The following FIBCD1 variants were observed in gnomAD, a reference collection of about 807,000 sequenced individuals.
FIBCD1 encodes the protein fibrinogen C domain-containing protein 1.
In FIBCD1, 47 loss-of-function variants were observed where a neutral mutation model predicts 45.1. The observed-to-expected ratio is 1.04, with a 90% CI of 0.82 to 1.33. FIBCD1 has a LOEUF of 1.33. FIBCD1 is among the 40% of genes most tolerant of loss of function. FIBCD1 has a pLI of 0.00. For synonymous variants in FIBCD1, 313 were observed against 308.1 expected (o/e 1.02, Z -0.17); for missense variants, 653 against 682.2 (o/e 0.96, Z 0.48).
At chr9:130,924,175 T>C in intron 3 of FIBCD1, 62 bp downstream of exon 3, 1 of 1,480,554 alleles carries the variant, frequency 6.8e-7, no homozygotes, top group Non-Finnish European at 8.9e-7. Context: ...TCACCCCAAC[T>C]TCCCCGCTCC....
intron 2 of FIBCD1, among the ~76,000 whole-genome samples, chr9:130,929,028 G>A (rs977624204): frequency 2.0e-5 from 3 of 152,136 alleles, no homozygotes; most frequent in Admixed American, 6.5e-5. Flanking sequence ...GGGGAGGGTG[G>A]AGGTGGTTTG....
chr9:130,911,635 C>T (rs1459256106), intron 5 of FIBCD1, among the ~76,000 whole-genome samples, 157 bp downstream of exon 5: 3 of 152,224 alleles, frequency 2.0e-5, no homozygotes, highest in Non-Finnish European at 2.9e-5. Flanking sequence ...TTCTGAATGC[C>T]TGTCACCTTC....
chr9:130,905,895 G>A lies in FIBCD1; in HGVS notation c.947-482C>T, dbSNP rs78012858. Among the ~76,000 whole-genome samples the A allele has an allele frequency of 8.8e-3, 1,345 of 152,266 alleles. 11 individuals are homozygous for A. Among genetic ancestry groups the A allele is most frequent in the African/African-American group, 0.031 (1,284 of 41,544 alleles). On this transcript the variant is annotated intron_variant, in intron 5 of 6. Coordinates refer to ENST00000372338, the MANE Select transcript of FIBCD1 (RefSeq NM_032843.5). ...CTGGAAGGCTGCCTGACCTCCTGTC[G>A]GCGTTGAGGACCTCCTCTGCCAACA...
chr9:130,920,872 C>T lies in FIBCD1; in HGVS notation c.849+2872G>A, dbSNP rs1187363638. Among the ~76,000 whole-genome samples the T allele has an allele frequency of 2.0e-5, 3 of 152,344 alleles. No individual in the cohort carries two copies. The East Asian group carries it at 5.8e-4, about 29-fold the overall frequency. On this transcript the variant is annotated intron_variant, in intron 4 of 6. Coordinates refer to ENST00000372338, the MANE Select transcript of FIBCD1 (RefSeq NM_032843.5). ...CCTTCTGTCCACCAGGCTGGGAGCC[C>T]GCTGAGCTGTCTCGTCGCTGCTGAC...
intron 2 of FIBCD1, among the ~76,000 whole-genome samples, chr9:130,924,979 C>T (rs1249975468): frequency 2.0e-5 from 3 of 152,148 alleles, no homozygotes; most frequent in Non-Finnish European, 4.4e-5. Flanking sequence ...ACATCCCCAC[C>T]GCTGCCTCTT....
chr9:130,917,060 T>G (rs1023506352), intron 4 of FIBCD1, among the ~76,000 whole-genome samples: 1 of 152,188 alleles, frequency 6.6e-6, no homozygotes, highest in Non-Finnish European at 1.5e-5. Context: ...ATCACACCAC[T>G]GCACTCCAGC....
intron 5 of FIBCD1, among the ~76,000 whole-genome samples, chr9:130,905,928 C>T (rs1386771215): frequency 6.6e-6 from 1 of 152,160 alleles, no homozygotes; most frequent in Non-Finnish European, 1.5e-5. Context: ...ACACATGTGC[C>T]CCTGTGGGTA....
rs189533808 is a variant in FIBCD1 at position 130,917,439 on chromosome 9, C to T, written c.850-5551G>A. Reference sequence around the variant, plus strand: ...TGGGCGGGTTCAAAGGAAGGAGTGACGGCTCTGGACATGGAGGAAGGAGTG... The same window carrying T: ...TGGGCGGGTTCAAAGGAAGGAGTGATGGCTCTGGACATGGAGGAAGGAGTG... On this transcript the variant is annotated intron_variant, in intron 4 of 6. Coordinates refer to ENST00000372338, the MANE Select transcript of FIBCD1 (RefSeq NM_032843.5). Among the ~76,000 whole-genome samples, 29 of 151,372 alleles carry T rather than the reference C, an allele frequency of 1.9e-4. No homozygotes were observed. The East Asian group carries it at 5.3e-3, about 27-fold the overall frequency.
At position 130,903,942 on chromosome 9, in the gene FIBCD1, C is replaced by G; in HGVS notation, c.*122G>C. The G allele has an allele frequency of 7.5e-7, 1 of 1,341,090 alleles. No individual in the cohort carries two copies. The highest frequency in any genetic ancestry group is 1.0e-6 in the Non-Finnish European group (1 of 956,748). The allele number at this position is 1,341,090 out of a possible 1,614,324, so 83.1% of individuals were successfully genotyped here. A position where few individuals can be genotyped will look rare whatever the true frequency, so the allele number is the denominator to read the frequency against. On this transcript the variant is annotated 3_prime_UTR_variant, in exon 7 of 7. Transcript: ENST00000372338. ...AGCTTCGTGTCAGGGATGGCCCGGCCCCTCCCTACTGGAGAGTGGGTCCGC... is the reference window on the plus strand; with the variant it reads ...AGCTTCGTGTCAGGGATGGCCCGGCGCCTCCCTACTGGAGAGTGGGTCCGC...
At position 130,938,929 on chromosome 9, in the gene FIBCD1, A is replaced by C; in HGVS notation, c.-322T>G. 1 of 150,578 alleles carries C rather than the reference A, an allele frequency of 6.6e-6. No homozygotes were observed. The highest frequency in any genetic ancestry group is 1.5e-5 in the Non-Finnish European group (1 of 67,644). 9.3% of individuals were successfully genotyped at this position (150,578 alleles called of 1,614,324 possible). A position where few individuals can be genotyped will look rare whatever the true frequency, so the allele number is the denominator to read the frequency against. The stretch of plus-strand genomic sequence containing the variant: ...CCTCGTCCCTCCTCCCTCCTTCTCA[A>C]TCTCCGCATCTTTTCTGGTCTCGGA... On this transcript the variant is annotated 5_prime_UTR_variant, in exon 1 of 7. Transcript: ENST00000372338.
At chr9:130,921,069 G>C (rs1053591687) in intron 4 of FIBCD1, among the ~76,000 whole-genome samples, 5 of 152,214 alleles carry the variant, frequency 3.3e-5, no homozygotes, top group South Asian at 2.1e-4. Flanking sequence ...TGCCGGGGGT[G>C]GGGGGCAGGG....
intron 5 of FIBCD1, among the ~76,000 whole-genome samples, chr9:130,909,626 T>C (rs1048350253): frequency 6.6e-6 from 1 of 152,174 alleles, no homozygotes; most frequent in Non-Finnish European, 1.5e-5. Context: ...TTTCAAGCCA[T>C]AGCCACTTCC....
At chr9:130,917,584 C>T (rs1289867071) in intron 4 of FIBCD1, among the ~76,000 whole-genome samples, 2 of 152,212 alleles carry the variant, frequency 1.3e-5, no homozygotes, top group South Asian at 2.1e-4. Context: ...CCTTACACTC[C>T]GCAGGTTGCA....
chr9:130,919,338 C>T (rs1221198411), intron 4 of FIBCD1, among the ~76,000 whole-genome samples: 2 of 152,210 alleles, frequency 1.3e-5, no homozygotes, highest in Admixed American at 6.5e-5. Flanking sequence ...CAGGCAGTAG[C>T]GTGGGGACAC....
rs142335702 is a variant in FIBCD1, at chr9:130,926,051, G to A, written c.553-1655C>T. On this transcript the variant is annotated intron_variant, in intron 2 of 6. Coordinates refer to ENST00000372338, the MANE Select transcript of FIBCD1 (RefSeq NM_032843.5). This position sits in a 1 kb window ranked among gnomAD's most constrained non-coding sequence, Gnocchi z 4.1. ...CAGAGATGGGCAGGCAGGGCGTTTG[G>A]GTTTCACGGCAGCATCCTGTAGACG... 2.6e-5 allele frequency among the ~76,000 whole-genome samples: 4 copies of A among 152,280 alleles called. No individual in the cohort carries two copies. The highest frequency in any genetic ancestry group is 6.5e-5 in the Admixed American group (1 of 15,298).
At chr9:130,920,262 G>A (rs1204747236) in intron 4 of FIBCD1, among the ~76,000 whole-genome samples, 1 of 151,984 alleles carries the variant, frequency 6.6e-6, no homozygotes, top group East Asian at 1.9e-4. Context: ...TTACCACTCC[G>A]CCTCCCCTTG....
At chr9:130,929,428 A>G (rs1832407820) in intron 2 of FIBCD1, 139 bp downstream of exon 2, 1 of 1,129,938 alleles carries the variant, frequency 8.9e-7, no homozygotes, top group Non-Finnish European at 1.2e-6. Context: ...GCTTGTCTGT[A>G]GATGGGAACA....
At chr9:130,921,437 T>C (rs915291735) in intron 4 of FIBCD1, among the ~76,000 whole-genome samples, 1 of 152,232 alleles carries the variant, frequency 6.6e-6, no homozygotes, top group Non-Finnish European at 1.5e-5. Flanking sequence ...TGGATATTAA[T>C]GCTCACTGGC....
At chr9:130,911,133 C>T (rs1323850354) in intron 5 of FIBCD1, among the ~76,000 whole-genome samples, 1 of 152,200 alleles carries the variant, frequency 6.6e-6, no homozygotes, top group Non-Finnish European at 1.5e-5. Context: ...TCTTTGGGTC[C>T]ACGCTGCTTT....
Sources: allele counts gnomAD v4.1 joint callset (sites outside exome capture counted in the v4.1 genomes callset), GRCh38; gene constraint gnomAD v4.1.1; non-coding constraint Gnocchi (gnomAD v3.1); transcripts MANE v1.5; gene names NCBI Gene and HGNC (gene_info 2026-07-23, HGNC 2026-07-21).